Variants in SIN3A observed in about 807,000 individuals in gnomAD.
SIN3A encodes the protein paired amphipathic helix protein Sin3a.
SIN3A carries 14 observed loss-of-function variants against 146.1 expected under a neutral mutation model. The observed-to-expected ratio is 0.10, with a 90% CI of 0.06 to 0.15. The LOEUF is 0.15. Ranked by LOEUF, SIN3A falls within the 10% of genes least tolerant of loss-of-function variation. The pLI, the probability that SIN3A is intolerant of heterozygous loss-of-function variation, is 1.00. For missense variants in SIN3A, 1,028 were observed against 1,576.0 expected (o/e 0.65, Z 5.89); for synonymous variants, 572 against 572.0 (o/e 1.00, Z 0.00).
chr15:75,438,241 T>C (rs2074139959), intron 1 of SIN3A, among the ~76,000 whole-genome samples: 1 of 152,120 alleles, frequency 6.6e-6, no homozygotes, highest in South Asian at 2.1e-4. Context: ...TGTGGGTGCC[T>C]GTAATCCCAG....
intron 11 of SIN3A, 74 bp downstream of exon 11, chr15:75,400,656 A>G: frequency 9.8e-7 from 1 of 1,017,318 alleles, no homozygotes; most frequent in Non-Finnish European, 1.5e-6. Context: ...ATAAATTCTC[A>G]ATCCTTGGTA....
intron 20 of SIN3A, among the ~76,000 whole-genome samples, chr15:75,374,470 G>A (rs960554062): frequency 5.3e-5 from 8 of 152,204 alleles, no homozygotes; most frequent in African/African-American, 1.9e-4. Context: ...CATCTCATTT[G>A]GACAAGGGCA....
intron 19 of SIN3A, among the ~76,000 whole-genome samples, chr15:75,377,719 T>C (rs1374274815): frequency 2.0e-5 from 3 of 152,290 alleles, no homozygotes; most frequent in South Asian, 2.1e-4. Flanking sequence ...ACATGCTGTG[T>C]GATAAAATGG....
intron 16 of SIN3A, among the ~76,000 whole-genome samples, chr15:75,386,801 C>T (rs752306778): frequency 6.6e-6 from 1 of 152,066 alleles, no homozygotes; most frequent in Non-Finnish European, 1.5e-5. Flanking sequence ...AATACAAATC[C>T]CTCTTAAGCC....
chr15:75,374,103 C>G (rs1008009291), intron 20 of SIN3A, among the ~76,000 whole-genome samples: 3 of 152,180 alleles, frequency 2.0e-5, no homozygotes, highest in Non-Finnish European at 4.4e-5. Flanking sequence ...ACAAAACAAA[C>G]CAAAAAACCC....
At chr15:75,373,274 A>G (rs575872356) in intron 20 of SIN3A, among the ~76,000 whole-genome samples, 99 of 152,288 alleles carry the variant, frequency 6.5e-4, no homozygotes, top group African/African-American at 2.3e-3. Context: ...GCTACTCGAG[A>G]GGCTGAGACA....
At chr15:75,384,178 T>C (rs982388050) in intron 17 of SIN3A, 86 bp downstream of exon 17, 3 of 1,109,172 alleles carry the variant, frequency 2.7e-6, no homozygotes, top group African/African-American at 3.2e-5. Flanking sequence ...CAGGTCAAAG[T>C]ACCCCGGCTT....
At chr15:75,380,557 GA>G in intron 19 of SIN3A, 71 bp downstream of exon 19, 2 of 1,147,054 alleles carry the variant, frequency 1.7e-6, no homozygotes, top group South Asian at 2.5e-5. Context: ...CCAAGAACGT[GA>G]AAGTCATTTA....
chr15:75,414,572 C>T (rs1567374407), intron 3 of SIN3A, among the ~76,000 whole-genome samples: 3 of 152,144 alleles, frequency 2.0e-5, no homozygotes, highest in Admixed American at 6.5e-5. Flanking sequence ...AATGATATAT[C>T]ATTTATTAAT....
intron 1 of SIN3A, among the ~76,000 whole-genome samples, chr15:75,443,196 T>A (rs1198669106): frequency 6.6e-6 from 1 of 152,222 alleles, no homozygotes; most frequent in Non-Finnish European, 1.5e-5. Context: ...TCACACAGCA[T>A]TCATCTACTA....
At chr15:75,417,995 G>C (rs2141521576) in intron 3 of SIN3A, among the ~76,000 whole-genome samples, 1 of 151,956 alleles carries the variant, frequency 6.6e-6, no homozygotes, top group African/African-American at 2.4e-5. Flanking sequence ...CAAACCAACT[G>C]GCACCTGGAT....
In SIN3A at chr15:75,371,867, AGAGGCCCAGT is replaced by A; in HGVS notation, c.*102_*111del. On this transcript the variant is annotated 3_prime_UTR_variant, in exon 21 of 21. Transcript: ENST00000394947. ...CACAGGTCAGGTGGCCATGTCCCAG[AGAGGCCCAGT>A]GAGGCTTGAAAGGCATCTTCCTTGT... 1 of 943,954 alleles carries A rather than the reference AGAGGCCCAGT, an allele frequency of 1.1e-6. No homozygotes were observed. 58.5% of individuals were successfully genotyped at this position (943,954 alleles called of 1,614,324 possible).
chr15:75,438,686 C>T (rs2141601774), intron 1 of SIN3A, among the ~76,000 whole-genome samples: 1 of 152,008 alleles, frequency 6.6e-6, no homozygotes, highest in Admixed American at 6.6e-5. Context: ...AAGACCCTGT[C>T]TCAAAAAAAC....
In SIN3A at chr15:75,410,181, A is replaced by G. The variant is rs746751429; in HGVS notation, c.1114T>C (p.Leu372=). The G allele has an allele frequency of 8.7e-6, 14 of 1,614,104 alleles. No individual in the cohort carries two copies. The highest frequency in any genetic ancestry group is 1.2e-5 in the Non-Finnish European group (14 of 1,180,024). ...AGGAATTGTCCAAACTCTGACAACA[A>G]ATCTTCCTGGTTTTTAAAGAGACGA... The part of the protein sequence containing the change: ...VARLFKNQED[L]LSEFGQFLPD... The change falls in exon 7 of 21, where the codon TTG becomes CTG. Residue 372 remains leucine, a synonymous_variant. Coordinates refer to ENST00000394947, the MANE Select transcript of SIN3A (RefSeq NM_001145358.2).
At chr15:75,439,921 C>T (rs955741374) in intron 1 of SIN3A, among the ~76,000 whole-genome samples, 13 of 151,480 alleles carry the variant, frequency 8.6e-5, no homozygotes, top group African/African-American at 1.2e-4. Flanking sequence ...GAGGCTGAGG[C>T]GGGCGGATCA....
In SIN3A at chr15:75,380,096, A is replaced by C. The variant is rs187562636; in HGVS notation, c.3383+533T>G. On this transcript the variant is annotated intron_variant, in intron 19 of 20. Coordinates refer to ENST00000394947, the MANE Select transcript of SIN3A (RefSeq NM_001145358.2). ...GGTACATGCTAGGCATACAGTGCCT[A>C]GATGACTACATCTCAATAAAAATCC... 3.9e-3 allele frequency among the ~76,000 whole-genome samples: 598 copies of C among 152,366 alleles called. 1 individual carries two copies. The highest frequency in any genetic ancestry group is 6.9e-3 in the Admixed American group (106 of 15,308).
intron 5 of SIN3A, among the ~76,000 whole-genome samples, chr15:75,412,124 C>T (rs1248358774): frequency 2.0e-5 from 3 of 152,228 alleles, no homozygotes; most frequent in African/African-American, 7.2e-5. Context: ...ATAAAAAAGT[C>T]TTCTACGCCA....
intron 9 of SIN3A, among the ~76,000 whole-genome samples, chr15:75,405,349 A>G (rs2073490935): frequency 6.6e-6 from 1 of 150,722 alleles, no homozygotes; most frequent in Admixed American, 6.6e-5. Context: ...CTGGGCAACA[A>G]GAGCGAGACT....
upstream of SIN3A, among the ~76,000 whole-genome samples, chr15:75,454,178 C>G (rs759854714): frequency 1.0e-3 from 155 of 152,026 alleles, no homozygotes; most frequent in Non-Finnish European, 2.0e-3. Context: ...AAAATCCTAG[C>G]AACTTAAACT....
Sources: allele counts gnomAD v4.1 joint callset (sites outside exome capture counted in the v4.1 genomes callset), GRCh38; gene constraint gnomAD v4.1.1; transcripts MANE v1.5; gene names NCBI Gene and HGNC (gene_info 2026-07-23, HGNC 2026-07-21).